The following CSMD1 variants were observed in gnomAD, a reference collection of about 807,000 sequenced individuals.
CSMD1 encodes the protein CUB and Sushi multiple domains 1.
CSMD1 carries 213 observed loss-of-function variants against 417.5 expected under a neutral mutation model. The ratio of observed to expected loss-of-function variants is 0.51; its 90% CI spans 0.46 to 0.57. CSMD1 has a LOEUF of 0.57. Ranked by LOEUF, CSMD1 falls within the 20% of genes least tolerant of loss-of-function variation. The pLI, the probability that CSMD1 is intolerant of heterozygous loss-of-function variation, is 0.00. For synonymous variants in CSMD1, 2,862 were observed against 1,736.8 expected (o/e 1.65, Z -16.11); for missense variants, 6,923 against 4,529.7 (o/e 1.53, Z -15.17).
chr8:4,929,424 T>C (rs528425502), intron 1 of CSMD1, among the ~76,000 whole-genome samples: 13 of 152,304 alleles, frequency 8.5e-5, no homozygotes, highest in Admixed American at 1.3e-4. Context: ...GAAATAGGCA[T>C]TTCTATTAGA....
intron 3 of CSMD1, among the ~76,000 whole-genome samples, chr8:4,282,693 G>T (rs1012716566): frequency 6.6e-6 from 1 of 152,154 alleles, no homozygotes; most frequent in Non-Finnish European, 1.5e-5. Context: ...GGCTGTGACA[G>T]CATCCTAACA....
intron 3 of CSMD1, among the ~76,000 whole-genome samples, chr8:4,295,009 G>A (rs574738417): frequency 1.3e-5 from 2 of 148,372 alleles, no homozygotes; most frequent in African/African-American, 5.0e-5. Flanking sequence ...CCAATCTAAG[G>A]TGTTAAGATT....
chr8:2,954,324 T>C, intron 64 of CSMD1, 56 bp from the exon 65 acceptor site: 1 of 1,107,756 alleles, frequency 9.0e-7, no homozygotes, highest in Non-Finnish European at 1.3e-6. Context: ...TTTGAGTAAG[T>C]TTGAAAAAAT....
chr8:3,758,004 C>G (rs1341171933), intron 5 of CSMD1, among the ~76,000 whole-genome samples: 1 of 152,146 alleles, frequency 6.6e-6, no homozygotes, highest in Non-Finnish European at 1.5e-5. Flanking sequence ...TGCTCTGTCA[C>G]CCAGGCTGGA....
At chr8:3,996,536 T>G (rs10103089) in intron 5 of CSMD1, among the ~76,000 whole-genome samples, 3 of 152,122 alleles carry the variant, frequency 2.0e-5, no homozygotes, top group Non-Finnish European at 4.4e-5. Flanking sequence ...ATAACTTAGG[T>G]TATCCACCTC....
At chr8:3,195,847 T>A (rs1397992627) in intron 33 of CSMD1, among the ~76,000 whole-genome samples, 1 of 152,180 alleles carries the variant, frequency 6.6e-6, no homozygotes, top group East Asian at 1.9e-4. Context: ...CAAGAAAGCT[T>A]GCTAATGCAG....
At chr8:4,075,213 A>G (rs555331163) in intron 3 of CSMD1, among the ~76,000 whole-genome samples, 59 of 152,326 alleles carry the variant, frequency 3.9e-4, no homozygotes, top group African/African-American at 1.4e-3. Flanking sequence ...ATAATATTTC[A>G]TTCTAGTATG....
At chr8:3,660,026 T>A (rs1798329861) in intron 7 of CSMD1, among the ~76,000 whole-genome samples, 3 of 152,252 alleles carry the variant, frequency 2.0e-5, no homozygotes, top group Admixed American at 2.0e-4. Context: ...TCGCCAAGCT[T>A]CATTCTGTAC....
chr8:4,119,281 G>C (rs1315557094), intron 3 of CSMD1, among the ~76,000 whole-genome samples: 4 of 152,028 alleles, frequency 2.6e-5, no homozygotes, highest in Non-Finnish European at 4.4e-5. Flanking sequence ...GAAACAAATG[G>C]AAACAACCCA....
At chr8:4,082,222 A>G (rs1800175969) in intron 3 of CSMD1, among the ~76,000 whole-genome samples, 1 of 152,176 alleles carries the variant, frequency 6.6e-6, no homozygotes, top group Non-Finnish European at 1.5e-5. Flanking sequence ...TTATGACCAC[A>G]CAGGTAAAAT....
At chr8:4,450,099 T>A (rs1253031404) in intron 2 of CSMD1, among the ~76,000 whole-genome samples, 2 of 152,192 alleles carry the variant, frequency 1.3e-5, no homozygotes, top group Non-Finnish European at 2.9e-5. Flanking sequence ...TCTGCTCAAT[T>A]TATCCTGTAC....
chr8:4,067,164 A>G (rs143367197), intron 3 of CSMD1, among the ~76,000 whole-genome samples: 107 of 152,370 alleles, frequency 7.0e-4, no homozygotes, highest in Non-Finnish European at 1.2e-3. Flanking sequence ...CAAGGATGAA[A>G]GATACTGGGT....
chr8:3,999,745 G>A (rs977364331), intron 4 of CSMD1, among the ~76,000 whole-genome samples: 1 of 152,206 alleles, frequency 6.6e-6, no homozygotes, highest in South Asian at 2.1e-4. Context: ...GTCTTTGAGA[G>A]GTACACTTGG....
intron 3 of CSMD1, among the ~76,000 whole-genome samples, chr8:4,405,032 A>C (rs955680987): frequency 9.2e-5 from 14 of 152,262 alleles, no homozygotes; most frequent in African/African-American, 3.4e-4. Flanking sequence ...GGTTTAAACT[A>C]GCATGTCGTG....
intron 4 of CSMD1, among the ~76,000 whole-genome samples, chr8:4,027,565 T>C (rs1290133555): frequency 1.3e-5 from 2 of 152,164 alleles, no homozygotes; most frequent in Non-Finnish European, 2.9e-5. Context: ...CCTTCCATCA[T>C]AACTGCATGG....
chr8:4,222,893 G>C (rs188996024), intron 3 of CSMD1, among the ~76,000 whole-genome samples: 3 of 151,972 alleles, frequency 2.0e-5, no homozygotes, highest in African/African-American at 7.3e-5. Flanking sequence ...ACAAAACTAT[G>C]GGCAAGTGAA....
chr8:3,297,645 A>G (rs1366998488), intron 25 of CSMD1, among the ~76,000 whole-genome samples: 1 of 152,208 alleles, frequency 6.6e-6, no homozygotes, highest in Non-Finnish European at 1.5e-5. Flanking sequence ...ACTGTACACA[A>G]AAATTTATCC....
At chr8:3,780,579 A>T (rs1207646330) in intron 5 of CSMD1, among the ~76,000 whole-genome samples, 1 of 152,210 alleles carries the variant, frequency 6.6e-6, no homozygotes, top group African/African-American at 2.4e-5. Flanking sequence ...ATTCACAAAT[A>T]CTAAAGTGCA....
chr8:4,725,759 T>G (rs906438385), intron 1 of CSMD1, among the ~76,000 whole-genome samples: 1 of 152,176 alleles, frequency 6.6e-6, no homozygotes, highest in African/African-American at 2.4e-5. Flanking sequence ...TAGTAGCTGG[T>G]ACCTTGAGTT....
Sources: gnomAD v4.1 joint callset for allele counts (sites outside exome capture counted in the v4.1 genomes callset) on GRCh38, gnomAD v4.1.1 for gene constraint, MANE v1.5 for transcripts, NCBI Gene and HGNC (gene_info 2026-07-23, HGNC 2026-07-21) for gene names.